The following TMPRSS9 variants were observed in gnomAD, a reference collection of about 807,000 sequenced individuals.
The protein encoded by TMPRSS9 is transmembrane serine protease 9.
In TMPRSS9, 113 loss-of-function variants were observed where a neutral mutation model predicts 111.4. That is an observed-to-expected ratio of 1.01 (90% CI 0.87 to 1.19). The LOEUF is 1.19. Among genes scored for constraint, TMPRSS9 ranks in the 50% most tolerant of loss-of-function variants. The probability of loss-of-function intolerance (pLI) is 0.00; values close to 1 mark genes in which losing one functional copy is unlikely to be tolerated. For synonymous variants in TMPRSS9, 805 were observed against 659.1 expected (o/e 1.22, Z -3.39); for missense variants, 1,803 against 1,513.1 (o/e 1.19, Z -3.18).
At chr19:2,395,292 C>T (rs1016007594) in intron 1 of TMPRSS9, among the ~76,000 whole-genome samples, 4 of 151,966 alleles carry the variant, frequency 2.6e-5, no homozygotes, top group African/African-American at 4.8e-5. Flanking sequence ...TGGTGGTCCA[C>T]GCCTGTAATC....
exon 13 of TMPRSS9, chr19:2,418,004 A>T: frequency 6.2e-7 from 1 of 1,611,328 alleles, no homozygotes; most frequent in Admixed American, 1.7e-5. Flanking sequence ...CCTGGTAGCC[A>T]CCAAGCCCGA....
chr19:2,379,730 TTCTCTC>T (rs773251268), intron 1 of TMPRSS9, among the ~76,000 whole-genome samples: 4 of 145,446 alleles, frequency 2.8e-5, no homozygotes, highest in Non-Finnish European at 4.6e-5. Flanking sequence ...CTTTTTCTCT[TTCTCTC>T]TCTCTCTCTC....
intron 1 of TMPRSS9, among the ~76,000 whole-genome samples, chr19:2,375,251 C>G (rs1970322821): frequency 6.6e-6 from 1 of 152,226 alleles, no homozygotes. Context: ...GTTCTATAGA[C>G]TTTGGTCTTA....
At chr19:2,400,739 C>A (rs995156318) in intron 4 of TMPRSS9, among the ~76,000 whole-genome samples, 12 of 151,690 alleles carry the variant, frequency 7.9e-5, no homozygotes, top group African/African-American at 2.9e-4. Context: ...TTTGGGAGGC[C>A]GAGGTGGGTG....
At chr19:2,410,319 C>A in exon 9 of TMPRSS9, 1 of 1,614,074 alleles carries the variant, frequency 6.2e-7, no homozygotes, top group East Asian at 2.2e-5. Context: ...CACTGTGTGC[C>A]AGCTTGTACG....
At chr19:2,409,798 G>A (rs3848631) in intron 8 of TMPRSS9, among the ~76,000 whole-genome samples, 1 of 151,956 alleles carries the variant, frequency 6.6e-6, no homozygotes, top group African/African-American at 2.4e-5. Context: ...CTGGCTGCCG[G>A]GTTGGGAATG....
chr19:2,421,502 T>C (rs1302871870), intron 13 of TMPRSS9, among the ~76,000 whole-genome samples: 1 of 151,962 alleles, frequency 6.6e-6, no homozygotes, highest in African/African-American at 2.4e-5. Flanking sequence ...TTGGTCAGGC[T>C]GGCCTGGAAC....
intron 1 of TMPRSS9, among the ~76,000 whole-genome samples, chr19:2,379,620 T>C (rs544741775): frequency 3.8e-5 from 4 of 105,016 alleles, no homozygotes; most frequent in South Asian, 6.5e-4. Context: ...TCTTTCTCTT[T>C]CTTTCTTTCT....
chr19:2,422,045 A>G (rs752815523), exon 14 of TMPRSS9: 5 of 1,612,418 alleles, frequency 3.1e-6, no homozygotes, highest in East Asian at 4.5e-5. Context: ...CCTCGACCAC[A>G]AGGATGCTGG....
At chr19:2,396,298 G>T in intron 1 of TMPRSS9, 2 of 452,122 alleles carry the variant, frequency 4.4e-6, no homozygotes, top group South Asian at 4.0e-5. Context: ...CTGTACCTGG[G>T]GACCTCCGGG....
chr19:2,367,341 G>T (rs1970255257), intron 1 of TMPRSS9, among the ~76,000 whole-genome samples: 1 of 152,094 alleles, frequency 6.6e-6, no homozygotes, highest in African/African-American at 2.4e-5. Flanking sequence ...GGCAATAAAT[G>T]AGATGATGAC....
At chr19:2,415,562 C>T (rs560784794) in intron 10 of TMPRSS9, 108 bp from the exon 12 acceptor site, 29 of 1,054,900 alleles carry the variant, frequency 2.7e-5, no homozygotes, top group East Asian at 1.2e-4. Context: ...GGAGGGATTG[C>T]GGCATCTTCA....
At chr19:2,368,958 T>TG (rs1014879540) in intron 1 of TMPRSS9, among the ~76,000 whole-genome samples, 15 of 149,688 alleles carry the variant, frequency 1.0e-4, no homozygotes, top group African/African-American at 3.7e-4. Context: ...CTAATTCTTT[T>TG]TTTTTTTTTT....
In TMPRSS9 at chr19:2,376,712, C is replaced by T. The variant is rs144950001; in HGVS notation, c.-25-13049C>T. 2.9e-3 allele frequency among the ~76,000 whole-genome samples: 447 copies of T among 152,288 alleles called. 6 individuals are homozygous for T. Among genetic ancestry groups the T allele is most frequent in the African/African-American group, 0.01 (426 of 41,556 alleles). On this transcript the variant is annotated intron_variant, in intron 1 of 17. Transcript: ENST00000649857. ...CCTCAAATGATCCGCTCTCCTTGGC[C>T]TCCCAAAGTGCTGGGATTACAGGCA...
chr19:2,391,588 CTATG>C (rs1293662569), intron 1 of TMPRSS9, among the ~76,000 whole-genome samples: 1 of 123,634 alleles, frequency 8.1e-6, no homozygotes, highest in African/African-American at 2.8e-5. Context: ...GCGTGTGTAT[CTATG>C]TGTGCATGCG....
intron 13 of TMPRSS9, 87 bp from the exon 15 acceptor site, chr19:2,421,767 C>T: frequency 1.4e-6 from 2 of 1,455,678 alleles, no homozygotes; most frequent in South Asian, 1.4e-5. Flanking sequence ...ATGGCTCCCA[C>T]CCACTGTAGG....
intron 4 of TMPRSS9, among the ~76,000 whole-genome samples, chr19:2,401,376 G>A (rs146014942): frequency 3.6e-4 from 55 of 152,204 alleles, no homozygotes; most frequent in African/African-American, 1.2e-3. Context: ...CTGCTCCAGC[G>A]TTCACAGAAC....
intron 1 of TMPRSS9, among the ~76,000 whole-genome samples, chr19:2,367,570 T>G (rs1220904256): frequency 6.0e-5 from 9 of 150,550 alleles, no homozygotes; most frequent in Non-Finnish European, 1.0e-4. Flanking sequence ...AATTTTTTTT[T>G]TTTTTTTTTT....
chr19:2,364,039 G>T (rs1478355423), intron 1 of TMPRSS9, among the ~76,000 whole-genome samples: 1 of 151,992 alleles, frequency 6.6e-6, no homozygotes, highest in Non-Finnish European at 1.5e-5. Context: ...CCTCCCGGTA[G>T]TCCTGTAGAC....
Sources: gnomAD v4.1 joint callset for allele counts (sites outside exome capture counted in the v4.1 genomes callset) on GRCh38, gnomAD v4.1.1 for gene constraint, MANE v1.5 for transcripts, NCBI Gene and HGNC (gene_info 2026-07-23, HGNC 2026-07-21) for gene names.